GUCA1C: variants seen among roughly 807,000 people sequenced by gnomAD.
GUCA1C encodes guanylate cyclase activator 1C.
A neutral mutation model predicts 16.2 loss-of-function variants in GUCA1C; 15 were observed. The observed-to-expected ratio is 0.93, with a 90% CI of 0.62 to 1.43. The LOEUF is 1.43. Ranked by LOEUF, GUCA1C falls within the 40% of genes most tolerant of loss-of-function variation. GUCA1C has a pLI of 0.00. For synonymous variants in GUCA1C, 78 were observed against 85.4 expected, an observed-to-expected ratio of 0.91 and a Z score of 0.48; for missense variants, 275 against 244.8, an observed-to-expected ratio of 1.12 and a Z score of -0.82.
intron 1 of GUCA1C, among the ~76,000 whole-genome samples, chr3:108,942,369 CTTCTGA>C (rs1241420051): frequency 6.6e-6 from 1 of 152,218 alleles, no homozygotes; most frequent in Non-Finnish European, 1.5e-5. Flanking sequence ...TCTGCTGCAT[CTTCTGA>C]TCCCAGCAAA....
chr3:108,942,676 A>C (rs1946799121), intron 1 of GUCA1C, among the ~76,000 whole-genome samples: 1 of 152,208 alleles, frequency 6.6e-6, no homozygotes, highest in African/African-American at 2.4e-5. Context: ...GTCCATTTGG[A>C]ACCTTGGAAC....
chr3:108,949,803 GTTA>G (rs1198978012), intron 1 of GUCA1C, among the ~76,000 whole-genome samples: 1 of 152,046 alleles, frequency 6.6e-6, no homozygotes, highest in Non-Finnish European at 1.5e-5. Context: ...TATACAATAT[GTTA>G]TTTTTATGTG....
At chr3:108,940,042 A>G (rs901853792) in intron 1 of GUCA1C, among the ~76,000 whole-genome samples, 2 of 152,220 alleles carry the variant, frequency 1.3e-5, no homozygotes, top group African/African-American at 4.8e-5. Context: ...AACAGGTAAA[A>G]TTCTGTGAGA....
chr3:108,951,085 T>C (rs1026697786), intron 1 of GUCA1C, among the ~76,000 whole-genome samples: 3 of 151,894 alleles, frequency 2.0e-5, no homozygotes, highest in Non-Finnish European at 2.9e-5. Flanking sequence ...CTCATTTACA[T>C]GTGGAATCTA....
At chr3:108,930,407 A>G (rs1946656732) in intron 1 of GUCA1C, among the ~76,000 whole-genome samples, 1 of 152,236 alleles carries the variant, frequency 6.6e-6, no homozygotes, top group African/African-American at 2.4e-5. Context: ...AGAAACAACC[A>G]ATAGTTCTGA....
intron 1 of GUCA1C, among the ~76,000 whole-genome samples, chr3:108,926,191 T>G (rs1477239925): frequency 2.6e-5 from 4 of 152,224 alleles, no homozygotes; most frequent in Admixed American, 2.6e-4. Flanking sequence ...CCCCTTTGTC[T>G]TTTTTAACTG....
chr3:108,952,519 C>T (rs140256231), intron 1 of GUCA1C, among the ~76,000 whole-genome samples: 1 of 152,300 alleles, frequency 6.6e-6, no homozygotes, highest in African/African-American at 2.4e-5. Context: ...ATTAAAACAG[C>T]TGTTAATTTT....
rs1382397385 is a variant in GUCA1C at position 108,935,192 on chromosome 3, G to C, written c.205-14607C>G. On this transcript the variant is annotated intron_variant, in intron 1 of 3. Transcript: ENST00000261047. ...GCAACAATAGAAACTGGGGACTACT[G>C]GTTGGGGAAGGAGAGGAAGGGAGCA... Among the ~76,000 whole-genome samples, 3 of 151,990 alleles carry C rather than the reference G, an allele frequency of 2.0e-5. No individual in the cohort carries two copies. The East Asian group carries it at 5.8e-4, about 29-fold the overall frequency.
chr3:108,933,636 T>C (rs1946692821), intron 1 of GUCA1C, among the ~76,000 whole-genome samples: 1 of 152,164 alleles, frequency 6.6e-6, no homozygotes, highest in Non-Finnish European at 1.5e-5. Flanking sequence ...TGAGATATCA[T>C]CTCATACCAG....
chr3:108,920,520 C>G lies in GUCA1C; in HGVS notation c.270G>C (p.Glu90Asp), dbSNP rs1946559629. 1.3e-6 allele frequency: 2 copies of G among 1,593,754 alleles called. No homozygotes were observed. The highest frequency in any genetic ancestry group is 1.7e-6 in the Non-Finnish European group (2 of 1,161,978). Residue 90 changes from glutamate to aspartate, a missense_variant, in exon 2 of 4, where the codon GAG becomes GAC. Physicochemically the swap from Glu to Asp is conservative, Grantham distance 45 (BLOSUM62 2). Transcript: ENST00000261047. ...GCTTAAAATACCATTTTAATTTTTGCTCCATTTTTTCTTGCATGATTAGAT... is the reference window on the plus strand; with the variant it reads ...GCTTAAAATACCATTTTAATTTTTGGTCCATTTTTTCTTGCATGATTAGAT... ...AVNLIMQEKM[E>D]QKLKWYFKLY...
chr3:108,923,567 T>C (rs182531578), intron 1 of GUCA1C, among the ~76,000 whole-genome samples: 1 of 152,338 alleles, frequency 6.6e-6, no homozygotes, highest in East Asian at 1.9e-4. Flanking sequence ...TATAGTATAA[T>C]TTGAAGTTGG....
intron 1 of GUCA1C, among the ~76,000 whole-genome samples, chr3:108,937,604 C>T (rs1174039318): frequency 6.6e-6 from 1 of 152,108 alleles, no homozygotes. Context: ...ACATAATAAA[C>T]GTTATCATGA....
intron 1 of GUCA1C, among the ~76,000 whole-genome samples, chr3:108,935,987 G>A (rs1946723750): frequency 6.6e-6 from 1 of 152,040 alleles, no homozygotes; most frequent in Admixed American, 6.6e-5. Context: ...ATATGAGGTG[G>A]GGTGTGGCGG....
intron 3 of GUCA1C, among the ~76,000 whole-genome samples, chr3:108,908,889 G>A (rs1946419168): frequency 6.6e-6 from 1 of 152,176 alleles, no homozygotes; most frequent in African/African-American, 2.4e-5. Context: ...GGAATTCTCT[G>A]TTGATATAAA....
intron 1 of GUCA1C, among the ~76,000 whole-genome samples, chr3:108,946,891 G>GAAAAAAAAAAAAAAAA (rs10607933): frequency 1.0e-5 from 1 of 96,400 alleles, no homozygotes; most frequent in Non-Finnish European, 2.1e-5. Flanking sequence ...TCAAGAATCT[G>GAAAAAAAAAAAAAAAA]AAAAAAAAAA....
chr3:108,930,186 T>C (rs1559844536), intron 1 of GUCA1C, among the ~76,000 whole-genome samples: 1 of 152,186 alleles, frequency 6.6e-6, no homozygotes, highest in Non-Finnish European at 1.5e-5. Flanking sequence ...CGGTGGCATA[T>C]CCAGCACAAG....
chr3:108,954,540 C>T (rs1364365977), upstream of GUCA1C, among the ~76,000 whole-genome samples: 1 of 152,094 alleles, frequency 6.6e-6, no homozygotes, highest in African/African-American at 2.4e-5. Flanking sequence ...TCTAATCTGG[C>T]TAATCTTGTC....
At position 108,922,825 on chromosome 3, in the gene GUCA1C, C is replaced by T. The variant is rs1478206753; in HGVS notation, c.205-2240G>A. Among the ~76,000 whole-genome samples the T allele has an allele frequency of 5.3e-5, 8 of 152,230 alleles. No homozygotes were observed. In the East Asian group the frequency reaches 1.4e-3, roughly 26 times the overall value. On this transcript the variant is annotated intron_variant, in intron 1 of 3. Coordinates refer to ENST00000261047, the MANE Select transcript of GUCA1C (RefSeq NM_005459.4). ...CTCCTAATGCTATCCCTCCCCTAGC[C>T]CCCTACCCGCCGACAGGCCCCTCCC...
At chr3:108,914,763 C>A (rs1242229720) in intron 3 of GUCA1C, among the ~76,000 whole-genome samples, 2 of 152,196 alleles carry the variant, frequency 1.3e-5, no homozygotes, top group Non-Finnish European at 2.9e-5. Flanking sequence ...TTCTCCAGTT[C>A]GATGACCACG....
Sources: gnomAD v4.1 joint callset for allele counts (sites outside exome capture counted in the v4.1 genomes callset) on GRCh38, gnomAD v4.1.1 for gene constraint, MANE v1.5 for transcripts, NCBI Gene and HGNC (gene_info 2026-07-23, HGNC 2026-07-21) for gene names.